Variants in RTL10 observed in about 807,000 individuals in gnomAD.
The protein encoded by RTL10 is protein Bop.
For synonymous variants in RTL10, 199 were observed against 188.4 expected, an observed-to-expected ratio of 1.06 and a Z score of -0.46; for missense variants, 477 against 470.7, an observed-to-expected ratio of 1.01 and a Z score of -0.12.
chr22:19,852,241 A>T lies in RTL10; in HGVS notation c.21T>A (p.Arg7=), dbSNP rs1938125224. The T allele has an allele frequency of 6.2e-6, 10 of 1,609,128 alleles. No homozygotes were observed. The highest frequency in any genetic ancestry group is 8.5e-6 in the Non-Finnish European group (10 of 1,177,364). ...AGATGGGAATGCGAGGGCCCTGCTG[A>T]CGGCACCGGCCACGAGGCATGCTGG... MPRGRC[R]QQGPRIPIWA... is the part of the protein sequence containing the mutation. Residue 7 remains arginine (R), a synonymous_variant, in exon 3 of 3, where the codon CGT becomes CGA. Transcript: ENST00000328554.
At position 19,851,841 on chromosome 22, in the gene RTL10, C is replaced by G; in HGVS notation, c.421G>C (p.Glu141Gln). 1 of 1,613,982 alleles carries G rather than the reference C, an allele frequency of 6.2e-7. No homozygotes were observed. Among genetic ancestry groups the G allele is most frequent in the Non-Finnish European group, 8.5e-7 (1 of 1,180,016 alleles). Residue 141 changes from glutamate (E) to glutamine (Q), a missense_variant, in exon 3 of 3, where the codon GAG becomes CAG. Physicochemically the swap from Glu to Gln is conservative, Grantham distance 29. Coordinates refer to ENST00000328554, the MANE Select transcript of RTL10 (RefSeq NM_024627.6). ...CGGCCTGTTAGGCGCCTGAGGATCT[C>G]GCAGACACGGCTGATGTTGTCCTGA... ...HYQDNISRVC[E>Q]ILRRLTGRAQ... is the part of the protein sequence containing the mutation.
chr22:19,851,650 T>G lies in RTL10; in HGVS notation c.612A>C (p.Pro204=), dbSNP rs1601358458. The part of the protein sequence containing the change: ...CPLPLASSQL[P]VAPQLPVVRQ... ...TCACCACAGGCAGCTGAGGGGCCAC[T>G]GGCAGCTGGCTGGAGGCCAGGGGCA... The change falls in exon 3 of 3, where the codon CCA becomes CCC. Residue 204 remains proline (P), a synonymous_variant. Coordinates refer to ENST00000328554, the MANE Select transcript of RTL10 (RefSeq NM_024627.6). 6.3e-7 allele frequency: 1 copy of G among 1,594,264 alleles called. No individual in the cohort carries two copies. Among genetic ancestry groups the G allele is most frequent in the Non-Finnish European group, 8.6e-7 (1 of 1,168,316 alleles).
Position 19,847,368 on chromosome 22 carries a change from G to A in RTL10, c.*3799C>T, listed in dbSNP as rs548615403. 2.1e-4 allele frequency: 208 copies of A among 985,420 alleles called. No homozygotes were observed. In the African/African-American group the frequency reaches 3.5e-3, roughly 17 times the overall value. The allele number at this position is 985,420 out of a possible 1,614,324, so 61.0% of individuals were successfully genotyped here. On this transcript the variant is annotated 3_prime_UTR_variant, in exon 3 of 3. Transcript: ENST00000328554. The stretch of plus-strand genomic sequence containing the variant: ...TTATTTGCCTTGCTCCTTTATTGCT[G>A]GATCTTTGGGCTTTTCCAGTTCTGC...
rs1413316973 is a variant in RTL10, at chr22:19,846,748, G to C, written c.*4419C>G. 2.7e-6 allele frequency: 1 copy of C among 364,568 alleles called. No individual in the cohort carries two copies. Among genetic ancestry groups the C allele is most frequent in the Non-Finnish European group, 3.8e-6 (1 of 262,390 alleles). 22.6% of individuals were successfully genotyped at this position (364,568 alleles called of 1,614,324 possible). ...AGAGATTAGGACACAGACACAGACA[G>C]GGACACGGCAAGAAGATGGCTATCT... On this transcript the variant is annotated 3_prime_UTR_variant, in exon 3 of 3. Transcript: ENST00000328554.
In RTL10 at chr22:19,851,410, A is replaced by G; in HGVS notation, c.852T>C (p.Pro284=). ...PSSTCSSKPG[P]VEPASSQPEE... is the part of the protein sequence containing the mutation. ...CTGGCTGGGAAGAGGCTGGTTCCAC[A>G]GGACCAGGCTTGGAGCTACATGTAG... The change falls in exon 3 of 3, where the codon CCT becomes CCC. Residue 284 remains proline (P), a synonymous_variant. Transcript: ENST00000328554. The G allele has an allele frequency of 6.2e-7, 1 of 1,614,078 alleles. No homozygotes were observed. The highest frequency in any genetic ancestry group is 8.5e-7 in the Non-Finnish European group (1 of 1,179,994).
At position 19,852,382 on chromosome 22, in the gene RTL10, A is replaced by G; in HGVS notation, c.-121T>C. 9.2e-7 allele frequency: 1 copy of G among 1,088,510 alleles called. No homozygotes were observed. Among genetic ancestry groups the G allele is most frequent in the Non-Finnish European group, 1.3e-6 (1 of 750,568 alleles). 67.4% of individuals were successfully genotyped at this position (1,088,510 alleles called of 1,614,324 possible). On this transcript the variant is annotated 5_prime_UTR_variant, in exon 3 of 3. Transcript: ENST00000328554. ...GCTGAACAGGGCGTGGCAGACCCGC[A>G]CTGGTCCAGGCAAGTGCTGAGGATC...
rs1938132427 is a variant in RTL10 at position 19,852,496 on chromosome 22, G to C, written c.-225-10C>G. 1 of 552,744 alleles carries C rather than the reference G, an allele frequency of 1.8e-6. No individual in the cohort carries two copies. Among genetic ancestry groups the C allele is most frequent in the Admixed American group, 3.4e-5 (1 of 29,110 alleles). The allele number at this position is 552,744 out of a possible 1,614,324, so 34.2% of individuals were successfully genotyped here. ...CATCATCCGAGGCAATCTGTCCAAA[G>C]ACAAGGTGGGGAAGAGCAGGAACTA... On this transcript the variant is annotated splice_polypyrimidine_tract_variant and intron_variant, in intron 2 of 2. Transcript: ENST00000328554.
rs770819035 is a variant in RTL10 at position 19,851,411 on chromosome 22, G to C, written c.851C>G (p.Pro284Arg). The change falls in exon 3 of 3, where the codon CCT (proline) becomes CGT (arginine). Residue 284 changes from proline (P) to arginine (R), a missense_variant. Coordinates refer to ENST00000328554, the MANE Select transcript of RTL10 (RefSeq NM_024627.6). Reference protein sequence around the residue: ...PSSTCSSKPGPVEPASSQPEE... With the variant: ...PSSTCSSKPGRVEPASSQPEE... ...TGGCTGGGAAGAGGCTGGTTCCACA[G>C]GACCAGGCTTGGAGCTACATGTAGA... The C allele has an allele frequency of 7.4e-6, 12 of 1,613,956 alleles. No individual in the cohort carries two copies. The Admixed American group carries it at 2.0e-4, about 27-fold the overall frequency.
chr22:19,850,907 G>T lies in RTL10; in HGVS notation c.*260C>A. The T allele has an allele frequency of 7.3e-7, 1 of 1,366,172 alleles. No homozygotes were observed. Among genetic ancestry groups the T allele is most frequent in the Non-Finnish European group, 9.4e-7 (1 of 1,063,816 alleles). 84.6% of individuals were successfully genotyped at this position (1,366,172 alleles called of 1,614,324 possible). ...CCCTCGTGGGAGCAGGCCTGGGTGAGACGGCACTCCCAGAAGACGGGCAGG... is the reference window on the plus strand; with the variant it reads ...CCCTCGTGGGAGCAGGCCTGGGTGATACGGCACTCCCAGAAGACGGGCAGG... On this transcript the variant is annotated 3_prime_UTR_variant, in exon 3 of 3. Transcript: ENST00000328554.
Position 19,850,964 on chromosome 22 carries a change from G to A in RTL10, c.*203C>T. On this transcript the variant is annotated 3_prime_UTR_variant, in exon 3 of 3. Coordinates refer to ENST00000328554, the MANE Select transcript of RTL10 (RefSeq NM_024627.6). ...GCAGAGAGCCAGCAGCAGGGAAAGG[G>A]CACAGGGCGGAGGTCAAGCTCTGCT... The A allele has an allele frequency of 7.2e-7, 1 of 1,386,380 alleles. No homozygotes were observed. Among genetic ancestry groups the A allele is most frequent in the African/African-American group, 1.4e-5 (1 of 69,100 alleles). The allele number at this position is 1,386,380 out of a possible 1,614,324, so 85.9% of individuals were successfully genotyped here.
At chr22:19,853,191 A>G (rs1001862618) in intron 2 of RTL10, among the ~76,000 whole-genome samples, 4 of 149,922 alleles carry the variant, frequency 2.7e-5, no homozygotes, top group Non-Finnish European at 5.9e-5. Flanking sequence ...CCACCTTTCC[A>G]CAGTCCCCAT....
Position 19,852,143 on chromosome 22 carries a change from G to T in RTL10, c.119C>A (p.Thr40Asn). 1 of 1,614,182 alleles carries T rather than the reference G, an allele frequency of 6.2e-7. No homozygotes were observed. The highest frequency in any genetic ancestry group is 8.5e-7 in the Non-Finnish European group (1 of 1,180,042). Residue 40 changes from threonine (T) to asparagine (N), a missense_variant, in exon 3 of 3, where the codon ACC (threonine) becomes AAC (asparagine). Coordinates refer to ENST00000328554, the MANE Select transcript of RTL10 (RefSeq NM_024627.6). ...MDKASPGVAY[T>N]PLVDPWIERP... ...CTCAATCCAGGGATCCACAAGGGGG[G>T]TGTATGCCACCCCAGGAGACGCCTT...
chr22:19,851,502 GA>G lies in RTL10; in HGVS notation c.759del (p.Leu254CysfsTer6). ...VSGSNSVSRSALFEQQLTKES... is the reference protein window; with the variant it reads ...VSGSNSVSRSXLFEQQLTKES... Reference sequence around the variant, plus strand: ...TCCTTGGTCAGCTGCTGCTCGAACAGAGCACTTCTAGATACAGAGTTGGACC... The same window carrying G: ...TCCTTGGTCAGCTGCTGCTCGAACAGGCACTTCTAGATACAGAGTTGGACC... On this transcript the variant is annotated frameshift_variant, in exon 3 of 3. Coordinates refer to ENST00000328554, the MANE Select transcript of RTL10 (RefSeq NM_024627.6). LOFTEE classifies it low-confidence loss of function (END_TRUNC). 3 of 1,614,176 alleles carry G rather than the reference GA, an allele frequency of 1.9e-6. No individual in the cohort carries two copies. The highest frequency in any genetic ancestry group is 2.5e-6 in the Non-Finnish European group (3 of 1,180,040).
In RTL10 at chr22:19,847,298, C is replaced by A; in HGVS notation, c.*3869G>T. 2 of 985,006 alleles carry A rather than the reference C, an allele frequency of 2.0e-6. No individual in the cohort carries two copies. Among genetic ancestry groups the A allele is most frequent in the Non-Finnish European group, 2.4e-6 (2 of 829,496 alleles). 61.0% of individuals were successfully genotyped at this position (985,006 alleles called of 1,614,324 possible). A position where few individuals can be genotyped will look rare whatever the true frequency, so the allele number is the denominator to read the frequency against. On this transcript the variant is annotated 3_prime_UTR_variant, in exon 3 of 3. Coordinates refer to ENST00000328554, the MANE Select transcript of RTL10 (RefSeq NM_024627.6). ...GCGCTGTTGGAGATCTTTGTTACTGCAGCACAATCTGGCTCATGCTGACTG... is the reference window on the plus strand; with the variant it reads ...GCGCTGTTGGAGATCTTTGTTACTGAAGCACAATCTGGCTCATGCTGACTG...
At position 19,850,741 on chromosome 22, in the gene RTL10, G is replaced by A. The variant is rs947388224; in HGVS notation, c.*426C>T. The A allele has an allele frequency of 3.2e-6, 4 of 1,240,980 alleles. No individual in the cohort carries two copies. In the African/African-American group the frequency reaches 4.6e-5, roughly 14 times the overall value. The allele number at this position is 1,240,980 out of a possible 1,614,324, so 76.9% of individuals were successfully genotyped here. ...GGACAGACACAGAAACCCCATACAG[G>A]AACGAGGTCCCAACAGGGCAGACGT... On this transcript the variant is annotated 3_prime_UTR_variant, in exon 3 of 3. Transcript: ENST00000328554.
Position 19,847,711 on chromosome 22 carries a change from T to C in RTL10, c.*3456A>G, listed in dbSNP as rs531784946. 13 of 983,902 alleles carry C rather than the reference T, an allele frequency of 1.3e-5. No individual in the cohort carries two copies. The African/African-American group carries it at 2.1e-4, about 16-fold the overall frequency. The allele number at this position is 983,902 out of a possible 1,614,324, so 60.9% of individuals were successfully genotyped here. A position where few individuals can be genotyped will look rare whatever the true frequency, so the allele number is the denominator to read the frequency against. On this transcript the variant is annotated 3_prime_UTR_variant, in exon 3 of 3. Transcript: ENST00000328554. ...ATTGTTACGTGGTCAAATTATATTA[T>C]TGTGTATTCCCACCAACAGTATGAG... is the stretch of plus-strand genomic sequence containing the variant.
rs1229073069 is a variant in RTL10 at position 19,848,064 on chromosome 22, C to A, written c.*3103G>T. 2.5e-5 allele frequency: 25 copies of A among 985,264 alleles called. No homozygotes were observed. Among genetic ancestry groups the A allele is most frequent in the South Asian group, 4.7e-5 (1 of 21,292 alleles). 61.0% of individuals were successfully genotyped at this position (985,264 alleles called of 1,614,324 possible). A position where few individuals can be genotyped will look rare whatever the true frequency, so the allele number is the denominator to read the frequency against. On this transcript the variant is annotated 3_prime_UTR_variant, in exon 3 of 3. Coordinates refer to ENST00000328554, the MANE Select transcript of RTL10 (RefSeq NM_024627.6). ...CTATTCTCTGCTCATCTGTCCACAT[C>A]TAAGTGCTTTAACTATTGTGGCTTT...
rs1378487582 is a variant in RTL10, at chr22:19,846,863, GT to G, written c.*4303del. The G allele has an allele frequency of 1.1e-6, 1 of 918,880 alleles. No homozygotes were observed. 56.9% of individuals were successfully genotyped at this position (918,880 alleles called of 1,614,324 possible). A position where few individuals can be genotyped will look rare whatever the true frequency, so the allele number is the denominator to read the frequency against. ...GCTCCAGAATCATGAGGAAATGTCT[GT>G]TGTTTAAGTCCCCTAGCCTGCGGTC... On this transcript the variant is annotated 3_prime_UTR_variant, in exon 3 of 3. Coordinates refer to ENST00000328554, the MANE Select transcript of RTL10 (RefSeq NM_024627.6).
rs1384340340 is a variant in RTL10, at chr22:19,852,224, A to G, written c.38T>C (p.Ile13Thr). 6.2e-7 allele frequency: 1 copy of G among 1,612,480 alleles called. No individual in the cohort carries two copies. The highest frequency in any genetic ancestry group is 1.3e-5 in the African/African-American group (1 of 74,926). The change falls in exon 3 of 3, where the codon ATT becomes ACT. Residue 13 changes from isoleucine (I) to threonine (T), a missense_variant. Physicochemically the swap from Ile to Thr is moderately conservative, Grantham distance 89. Transcript: ENST00000328554. ...ATAATTGGCGGCTGCCCAGATGGGA[A>G]TGCGAGGGCCCTGCTGACGGCACCG... ...RGRCRQQGPR[I>T]PIWAAANYAN... is the part of the protein sequence containing the mutation.
Sources: allele counts gnomAD v4.1 joint callset (sites outside exome capture counted in the v4.1 genomes callset), GRCh38; gene constraint gnomAD v4.1.1; transcripts MANE v1.5; gene names NCBI Gene and HGNC (gene_info 2026-07-23, HGNC 2026-07-21).